The following ZNF34 variants were observed in gnomAD, a reference collection of about 807,000 sequenced individuals.
The protein encoded by ZNF34 is zinc finger protein 34.
In ZNF34, 8 loss-of-function variants were observed where a neutral mutation model predicts 14.4. The observed-to-expected ratio is 0.55, with a 90% CI of 0.33 to 1.00. ZNF34 has a LOEUF of 1.00. ZNF34 is among the 50% of genes least tolerant of loss of function. The pLI is 0.03. For synonymous variants in ZNF34, 235 were observed against 247.9 expected, an observed-to-expected ratio of 0.95 and a Z score of 0.49; for missense variants, 538 against 674.2, an observed-to-expected ratio of 0.80 and a Z score of 2.24.
chr8:144,779,521 G>A lies in ZNF34; in HGVS notation c.-55+707C>T, dbSNP rs1825736808. Among the ~76,000 whole-genome samples the A allele has an allele frequency of 6.6e-6, 1 of 152,128 alleles. No homozygotes were observed. Among genetic ancestry groups the A allele is most frequent in the Non-Finnish European group, 1.5e-5 (1 of 68,022 alleles). The stretch of plus-strand genomic sequence containing the variant: ...GACCCACCTTAAGTACTCTTAACCT[G>A]TCTTTTCTCATTCCTTTGACTCCGC... On this transcript the variant is annotated intron_variant, in intron 2 of 5. Coordinates refer to ENST00000429371, the MANE Select transcript of ZNF34 (RefSeq NM_001286769.2). The surrounding 1 kb of genome is among the most constrained non-coding windows in gnomAD (Gnocchi z 4.1).
intron 5 of ZNF34, among the ~76,000 whole-genome samples, chr8:144,776,715 G>T (rs568325276): frequency 1.6e-4 from 25 of 152,092 alleles, no homozygotes; most frequent in African/African-American, 5.6e-4. Flanking sequence ...TTCGAGACAA[G>T]CCTGGGCAAC....
rs765058226 is a variant in ZNF34 at position 144,777,601 on chromosome 8, G to A, written c.161-24C>T. 1.9e-6 allele frequency: 3 copies of A among 1,550,522 alleles called. No homozygotes were observed. Among genetic ancestry groups the A allele is most frequent in the Non-Finnish European group, 2.6e-6 (3 of 1,146,726 alleles). On this transcript the variant is annotated intron_variant, in intron 4 of 5. Transcript: ENST00000429371. The surrounding 1 kb of genome is among the most constrained non-coding windows in gnomAD (Gnocchi z 4.8). The stretch of plus-strand genomic sequence containing the variant: ...TCCTGGGAAGGAGACAGGGACTGGG[G>A]TTGGTACCAAGGACACAGGGCAGCA...
chr8:144,774,316 G>T lies in ZNF34; in HGVS notation c.570C>A (p.Asn190Lys), dbSNP rs369309170. ...EQSFEQRSYL[N>K]NHKRVHRSKK... ...TTGACCTGTGTACACGCTTATGGTT[G>T]TTGAGATATGATCTCTGTTCAAAAC... is the stretch of plus-strand genomic sequence containing the variant. Residue 190 changes from asparagine to lysine, a missense_variant, in exon 6 of 6, where the codon AAC (asparagine) becomes AAA (lysine). Asn to Lys is a moderately conservative substitution (Grantham distance 94). Around this residue, in one of 3 missense-constraint regions of ZNF34, gnomAD observed 431 missense variants for 525.7 expected, o/e 0.82. Coordinates refer to ENST00000429371, the MANE Select transcript of ZNF34 (RefSeq NM_001286769.2). The T allele has an allele frequency of 1.9e-4, 309 of 1,612,292 alleles. No individual in the cohort carries two copies. Among genetic ancestry groups the T allele is most frequent in the Non-Finnish European group, 2.4e-4 (283 of 1,179,098 alleles).
rs1826011510 is a variant in ZNF34, at chr8:144,783,242, G to C, written c.-107-2962C>G. Among the ~76,000 whole-genome samples, 4 of 152,124 alleles carry C rather than the reference G, an allele frequency of 2.6e-5. No homozygotes were observed. In the South Asian group the frequency reaches 8.3e-4, roughly 31 times the overall value. On this transcript the variant is annotated intron_variant, in intron 1 of 5. Transcript: ENST00000429371. ...CAGTAGTTCTCAGAGTGTGGCTCAG[G>C]GACCCTGGGGTTCCATGCATTCAAG...
At chr8:144,785,590 A>G (rs1011233439) in intron 1 of ZNF34, 1 of 152,200 alleles carries the variant, frequency 6.6e-6, no homozygotes, top group Non-Finnish European at 1.5e-5. Flanking sequence ...CCCATCTCTA[A>G]TTTTTTAATT....
Position 144,775,847 on chromosome 8 carries a change from A to C in ZNF34, c.281-1242T>G, listed in dbSNP as rs561866915. On this transcript the variant is annotated intron_variant, in intron 5 of 5. Coordinates refer to ENST00000429371, the MANE Select transcript of ZNF34 (RefSeq NM_001286769.2). ...CAAATAAGCAAATTTACAAAATAAG[A>C]AGTCCTTTGAGCCAGCAGTTCCTTC... is the stretch of plus-strand genomic sequence containing the variant. Among the ~76,000 whole-genome samples, 3 of 40,246 alleles carry C rather than the reference A, an allele frequency of 7.5e-5. No homozygotes were observed. The South Asian group carries it at 1.9e-3, about 26-fold the overall frequency. The allele number at this position is 40,246 out of a possible 152,430, so 26.4% of individuals were successfully genotyped here. A position where few individuals can be genotyped will look rare whatever the true frequency, so the allele number is the denominator to read the frequency against.
chr8:144,774,513 C>T lies in ZNF34; in HGVS notation c.373G>A (p.Asp125Asn). The change falls in exon 6 of 6, where the codon GAC becomes AAC. Residue 125 changes from aspartate to asparagine, a missense_variant. This residue lies in a region of ZNF34 where 431 missense variants were observed against 525.7 expected (regional missense o/e 0.82). Coordinates refer to ENST00000429371, the MANE Select transcript of ZNF34 (RefSeq NM_001286769.2). ...PQGSEPVEACDHISKSEGSLE... is the reference protein window; with the variant it reads ...PQGSEPVEACNHISKSEGSLE... ...CTCCCCTCTGACTTACTGATGTGGT[C>T]ACAGGCTTCTACTGGCTCAGATCCC... 1.2e-6 allele frequency: 2 copies of T among 1,614,006 alleles called. No individual in the cohort carries two copies. The highest frequency in any genetic ancestry group is 1.1e-5 in the South Asian group (1 of 91,068).
At chr8:144,781,162 T>TAAATAAAA (rs1422829277) in intron 1 of ZNF34, among the ~76,000 whole-genome samples, 2 of 141,940 alleles carry the variant, frequency 1.4e-5, no homozygotes, top group East Asian at 2.1e-4. Flanking sequence ...AATAAATAAA[T>TAAATAAAA]AAAAATAAAA....
At chr8:144,780,060 G>A (rs1335138396) in intron 2 of ZNF34, among the ~76,000 whole-genome samples, 168 bp downstream of exon 2, 8 of 150,274 alleles carry the variant, frequency 5.3e-5, no homozygotes, top group African/African-American at 2.0e-4. Flanking sequence ...AGCTGGCTGT[G>A]ATGGCACACA....
rs376201598 is a variant in ZNF34 at position 144,773,623 on chromosome 8, A to G, written c.1263T>C (p.Thr421=). The G allele has an allele frequency of 1.9e-6, 3 of 1,614,086 alleles. No individual in the cohort carries two copies. Among genetic ancestry groups the G allele is most frequent in the Non-Finnish European group, 1.7e-6 (2 of 1,180,008 alleles). Residue 421 remains threonine, a synonymous_variant, in exon 6 of 6, where the codon ACT becomes ACC. Coordinates refer to ENST00000429371, the MANE Select transcript of ZNF34 (RefSeq NM_001286769.2). This position sits in a 1 kb window ranked among gnomAD's most constrained non-coding sequence, Gnocchi z 5.4. The part of the protein sequence containing the change: ...TKLVEHQRSH[T]GEKPYECNDC... ...CATTGCATTCATAGGGCTTCTCTCC[A>G]GTGTGGCTTCTCTGATGTTCCACGA...
At chr8:144,780,666 G>C (rs960603473) in intron 1 of ZNF34, among the ~76,000 whole-genome samples, 3 of 151,062 alleles carry the variant, frequency 2.0e-5, no homozygotes, top group African/African-American at 7.3e-5. Context: ...GCGGGCTCCT[G>C]TAATCCCAGC....
At chr8:144,784,386 T>C (rs1826094414) in intron 1 of ZNF34, among the ~76,000 whole-genome samples, 1 of 151,286 alleles carries the variant, frequency 6.6e-6, no homozygotes, top group Non-Finnish European at 1.5e-5. Flanking sequence ...GGTTTTCCAT[T>C]GGAAAATAAA....
chr8:144,777,913 G>T lies in ZNF34; in HGVS notation c.160+125C>A. ...CTCTTCCCCTCATCTTCTCAGATCA[G>T]GTGCCTGCCTGGGATAAAGGTCATC... On this transcript the variant is annotated intron_variant, in intron 4 of 5. Coordinates refer to ENST00000429371, the MANE Select transcript of ZNF34 (RefSeq NM_001286769.2). This position sits in a 1 kb window ranked among gnomAD's most constrained non-coding sequence, Gnocchi z 4.8. 1.4e-6 allele frequency: 2 copies of T among 1,402,604 alleles called. No homozygotes were observed. Among genetic ancestry groups the T allele is most frequent in the Non-Finnish European group, 1.9e-6 (2 of 1,025,982 alleles). The allele number at this position is 1,402,604 out of a possible 1,614,324, so 86.9% of individuals were successfully genotyped here. A position where few individuals can be genotyped will look rare whatever the true frequency, so the allele number is the denominator to read the frequency against.
chr8:144,785,188 G>A (rs1442257671), intron 1 of ZNF34: 2 of 151,442 alleles, frequency 1.3e-5, no homozygotes, highest in African/African-American at 4.8e-5. Flanking sequence ...AAGCTGCAGA[G>A]TGAAAGATAT....
Position 144,773,684 on chromosome 8 carries a change from T to C in ZNF34, c.1202A>G (p.Asn401Ser), listed in dbSNP as rs1054179156. ...TTGAATGAAAGCTTTCTCACATTCATTACATTTATAGGGTTTCTCTCCAGT... is the reference window on the plus strand; with the variant it reads ...TTGAATGAAAGCTTTCTCACATTCACTACATTTATAGGGTTTCTCTCCAGT... ...IHTGEKPYKC[N>S]ECEKAFIQKT... is the part of the protein sequence containing the mutation. The change falls in exon 6 of 6, where the codon AAT becomes AGT. Residue 401 changes from asparagine to serine, a missense_variant. Transcript: ENST00000429371. This position sits in a 1 kb window ranked among gnomAD's most constrained non-coding sequence, Gnocchi z 5.4. 6.2e-7 allele frequency: 1 copy of C among 1,614,030 alleles called. No homozygotes were observed. The highest frequency in any genetic ancestry group is 1.7e-5 in the Admixed American group (1 of 59,990).
At chr8:144,786,252 G>A (rs1016842350) in intron 1 of ZNF34, among the ~76,000 whole-genome samples, 3 of 151,970 alleles carry the variant, frequency 2.0e-5, no homozygotes, top group Non-Finnish European at 2.9e-5. Context: ...GCCTCCCAAA[G>A]TGCTGGGATT....
intron 1 of ZNF34, among the ~76,000 whole-genome samples, chr8:144,781,555 C>T (rs987355373): frequency 3.3e-4 from 50 of 152,126 alleles, no homozygotes; most frequent in African/African-American, 8.9e-4. Flanking sequence ...CATGACCAGT[C>T]GAGATTTTTA....
intron 2 of ZNF34, 66 bp downstream of exon 2, chr8:144,780,162 A>G (rs1825773986): frequency 2.4e-6 from 3 of 1,270,358 alleles, no homozygotes; most frequent in East Asian, 5.1e-5. Flanking sequence ...GCACCACTGC[A>G]CTCCAGCCTG....
intron 5 of ZNF34, among the ~76,000 whole-genome samples, chr8:144,776,476 T>A (rs1825523149): frequency 6.6e-6 from 1 of 151,716 alleles, no homozygotes; most frequent in East Asian, 1.9e-4. Context: ...GGCAGGCACC[T>A]GTAGTCCCAG....
Sources: allele counts gnomAD v4.1 joint callset (sites outside exome capture counted in the v4.1 genomes callset), GRCh38; gene constraint gnomAD v4.1.1; regional missense constraint gnomAD v4.1.1; non-coding constraint Gnocchi (gnomAD v3.1); transcripts MANE v1.5; gene names NCBI Gene and HGNC (gene_info 2026-07-23, HGNC 2026-07-21).